The following TENM4 variants were observed in gnomAD, a reference collection of about 807,000 sequenced individuals.
TENM4 encodes teneurin-4.
In TENM4, 82 loss-of-function variants were observed where a neutral mutation model predicts 243.3. The observed-to-expected ratio is 0.34, with a 90% CI of 0.28 to 0.40. The LOEUF is 0.40. Ranked by LOEUF, TENM4 falls within the 10% of genes least tolerant of loss-of-function variation. TENM4 has a pLI of 1.00. For synonymous variants in TENM4, 1,412 were observed against 1,456.3 expected (o/e 0.97, Z 0.69); for missense variants, 3,138 against 3,673.3 (o/e 0.85, Z 3.77).
chr11:79,400,376 C>T (rs1211192114), intron 1 of TENM4, among the ~76,000 whole-genome samples: 1 of 151,776 alleles, frequency 6.6e-6, no homozygotes, highest in Non-Finnish European at 1.5e-5. Context: ...ATACCTGGAA[C>T]AAATTGCCTA....
intron 19 of TENM4, among the ~76,000 whole-genome samples, chr11:78,750,713 C>G (rs952994314): frequency 6.6e-5 from 10 of 152,204 alleles, no homozygotes; most frequent in African/African-American, 2.2e-4. Context: ...GTGGTTCACT[C>G]TGTGCCAATT....
At chr11:78,764,195 G>A (rs1450897257) in intron 18 of TENM4, among the ~76,000 whole-genome samples, 3 of 152,250 alleles carry the variant, frequency 2.0e-5, no homozygotes. Context: ...GTATGCAGGA[G>A]CGTGCTATTA....
Position 79,260,063 on chromosome 11 carries a change from T to C in TENM4, c.-265+37425A>G, listed in dbSNP as rs140273787. ...GTGGCTTTTTATATGGAGGTTACAA[T>C]TTTTTTGTAGAATGAACAAACATTG... On this transcript the variant is annotated intron_variant, in intron 2 of 33. Coordinates refer to ENST00000278550, the MANE Select transcript of TENM4 (RefSeq NM_001098816.3). Among the ~76,000 whole-genome samples the C allele has an allele frequency of 3.7e-3, 557 of 152,300 alleles. 4 individuals carry two copies. The highest frequency in any genetic ancestry group is 6.1e-3 in the Non-Finnish European group (412 of 68,026).
chr11:79,104,929 C>T (rs954894322), intron 4 of TENM4, among the ~76,000 whole-genome samples: 6 of 152,316 alleles, frequency 3.9e-5, no homozygotes, highest in African/African-American at 1.2e-4. Flanking sequence ...CTCAACTGAA[C>T]GGCTGCTTGG....
chr11:79,264,285 G>A (rs1045000667), intron 2 of TENM4, among the ~76,000 whole-genome samples: 1 of 152,064 alleles, frequency 6.6e-6, no homozygotes, highest in African/African-American at 2.4e-5. Context: ...TGTCACTAGT[G>A]GAATTAGAGT....
intron 6 of TENM4, among the ~76,000 whole-genome samples, chr11:78,947,616 C>T (rs182969181): frequency 5.4e-4 from 83 of 152,330 alleles, no homozygotes; most frequent in African/African-American, 1.8e-3. Context: ...AGAGAGAGTG[C>T]GGGGGCAAGG....
intron 1 of TENM4, among the ~76,000 whole-genome samples, chr11:79,376,762 G>A (rs190681924): frequency 6.6e-6 from 1 of 152,288 alleles, no homozygotes; most frequent in African/African-American, 2.4e-5. Context: ...CCTTGCCAGG[G>A]TGGTATGTCC....
At chr11:78,823,400 C>G in intron 12 of TENM4, among the ~76,000 whole-genome samples, 1 of 152,208 alleles carries the variant, frequency 6.6e-6, no homozygotes, top group East Asian at 1.9e-4. Context: ...ACACAGCCCA[C>G]TGGGCAGAGG....
At chr11:79,005,188 G>A (rs1471018076) in intron 6 of TENM4, among the ~76,000 whole-genome samples, 1 of 152,074 alleles carries the variant, frequency 6.6e-6, no homozygotes, top group Non-Finnish European at 1.5e-5. Flanking sequence ...GATGTATAAA[G>A]AAGAGTTGAT....
chr11:78,861,993 C>T (rs1364014669), intron 10 of TENM4, among the ~76,000 whole-genome samples: 1 of 152,180 alleles, frequency 6.6e-6, no homozygotes, highest in Non-Finnish European at 1.5e-5. Flanking sequence ...TCTTGGCTGA[C>T]AATGTCCATG....
At chr11:79,351,178 C>T (rs1857409477) in intron 1 of TENM4, among the ~76,000 whole-genome samples, 1 of 152,196 alleles carries the variant, frequency 6.6e-6, no homozygotes, top group African/African-American at 2.4e-5. Flanking sequence ...AAATCTTACC[C>T]TCTTTTAATT....
intron 6 of TENM4, among the ~76,000 whole-genome samples, chr11:78,964,456 T>C (rs908848512): frequency 2.0e-5 from 3 of 152,174 alleles, no homozygotes; most frequent in African/African-American, 7.2e-5. Flanking sequence ...GCAAGAAGAA[T>C]TGAAGCAGCA....
intron 2 of TENM4, among the ~76,000 whole-genome samples, chr11:79,292,328 T>A (rs1160359037): frequency 6.6e-6 from 1 of 152,206 alleles, no homozygotes; most frequent in Admixed American, 6.5e-5. Context: ...ATACTCACAG[T>A]AAATGCCACT....
chr11:78,985,603 A>AT (rs960824529), intron 6 of TENM4, among the ~76,000 whole-genome samples: 2 of 152,082 alleles, frequency 1.3e-5, no homozygotes, highest in South Asian at 2.1e-4. Context: ...ATCTTTGTAC[A>AT]TTTTTTGTGT....
chr11:79,012,751 C>T (rs1858677391), intron 6 of TENM4, among the ~76,000 whole-genome samples: 1 of 152,182 alleles, frequency 6.6e-6, no homozygotes, highest in Non-Finnish European at 1.5e-5. Context: ...GTATGCTCTT[C>T]CCTCCAGACA....
chr11:79,417,574 G>T lies in TENM4; in HGVS notation c.-321+22935C>A, dbSNP rs545441154. Among the ~76,000 whole-genome samples, 85 of 152,298 alleles carry T rather than the reference G, an allele frequency of 5.6e-4. 1 individual carries two copies. In the South Asian group the frequency reaches 0.016, roughly 29 times the overall value. The stretch of plus-strand genomic sequence containing the variant: ...TCTAAAAGCTTGGCTTTGAACCATG[G>T]TGTTTATGCCCCATGTCCAAAGAAT... On this transcript the variant is annotated intron_variant, in intron 1 of 33. Transcript: ENST00000278550.
chr11:79,210,514 G>A lies in TENM4; in HGVS notation c.-163+5294C>T, dbSNP rs117520283. 2.5e-3 allele frequency among the ~76,000 whole-genome samples: 387 copies of A among 152,294 alleles called. 18 individuals carry two copies. The East Asian group carries it at 0.065, about 26-fold the overall frequency. On this transcript the variant is annotated intron_variant, in intron 3 of 33. Coordinates refer to ENST00000278550, the MANE Select transcript of TENM4 (RefSeq NM_001098816.3). ...GCAGTACATAGCAGTAAACACTGAA[G>A]GCCAAGCAAACAGTGCCAAGCAAGC... is the stretch of plus-strand genomic sequence containing the variant.
At chr11:78,891,458 T>G in intron 7 of TENM4, 122 bp from the exon 8 acceptor site, 1 of 826,628 alleles carries the variant, frequency 1.2e-6, no homozygotes, top group Non-Finnish European at 2.0e-6. Flanking sequence ...GGGACACGGT[T>G]TCCAGGCAAT....
intron 6 of TENM4, among the ~76,000 whole-genome samples, chr11:79,053,011 A>G (rs1401933261): frequency 6.6e-6 from 1 of 152,208 alleles, no homozygotes; most frequent in East Asian, 1.9e-4. Context: ...GACTTCTCCT[A>G]AATAAAGCAT....
Sources: gnomAD v4.1 joint callset for allele counts (sites outside exome capture counted in the v4.1 genomes callset) on GRCh38, gnomAD v4.1.1 for gene constraint, MANE v1.5 for transcripts, NCBI Gene and HGNC (gene_info 2026-07-23, HGNC 2026-07-21) for gene names.